The following HEXB variants were observed in gnomAD, a reference collection of about 807,000 sequenced individuals.
The protein encoded by HEXB is beta-hexosaminidase subunit beta.
Under a neutral mutation model 71.2 loss-of-function variants are expected in HEXB, and 51 were observed. The ratio of observed to expected loss-of-function variants is 0.72; its 90% CI spans 0.57 to 0.90. The LOEUF is 0.90. Among genes scored for constraint, HEXB ranks in the 40% least tolerant of loss-of-function variants. The probability of loss-of-function intolerance (pLI) is 0.00; values close to 1 mark genes in which losing one functional copy is unlikely to be tolerated. For missense variants in HEXB, 617 were observed against 677.0 expected (o/e 0.91, Z 0.98); for synonymous variants, 266 against 249.3 (o/e 1.07, Z -0.63).
rs1337869028 is a variant in HEXB at position 74,705,335 on chromosome 5, T to C, written c.771+15T>C. ...TAAGCAATAAAGTGAGTAAATTGTATTGTACTCTGTCTACAAAAACATTGG... is the reference window on the plus strand; with the variant it reads ...TAAGCAATAAAGTGAGTAAATTGTACTGTACTCTGTCTACAAAAACATTGG... On this transcript the variant is annotated intron_variant, in intron 6 of 13. Coordinates refer to ENST00000261416, the MANE Select transcript of HEXB (RefSeq NM_000521.4). The C allele has an allele frequency of 1.5e-6, 2 of 1,318,740 alleles. No homozygotes were observed. Among genetic ancestry groups the C allele is most frequent in the African/African-American group, 1.4e-5 (1 of 69,306 alleles). The allele number at this position is 1,318,740 out of a possible 1,614,324, so 81.7% of individuals were successfully genotyped here. A position where few individuals can be genotyped will look rare whatever the true frequency, so the allele number is the denominator to read the frequency against.
At chr5:74,681,733 A>G (rs1412559241), upstream of HEXB, among the ~76,000 whole-genome samples, 1 of 152,040 alleles carries the variant, frequency 6.6e-6, no homozygotes, top group African/African-American at 2.4e-5. Context: ...ACCCTCCATC[A>G]CCCTAATTCC....
At chr5:74,687,884 T>A (rs1178587487) in intron 1 of HEXB, among the ~76,000 whole-genome samples, 1 of 152,196 alleles carries the variant, frequency 6.6e-6, no homozygotes, top group African/African-American at 2.4e-5. Context: ...TTTTCCGACC[T>A]CTTCTGCAAA....
chr5:74,648,819 G>A (rs1250314584), intron 1 of HEXB, among the ~76,000 whole-genome samples: 2 of 152,158 alleles, frequency 1.3e-5, no homozygotes, highest in Admixed American at 1.3e-4. Flanking sequence ...ATGGACAAAA[G>A]TTTGTTTTGC....
chr5:74,659,695 C>T (rs542093384), intron 1 of HEXB, among the ~76,000 whole-genome samples: 1 of 152,252 alleles, frequency 6.6e-6, no homozygotes, highest in East Asian at 1.9e-4. Flanking sequence ...ATGGATTTTG[C>T]TAAATTCTTT....
At chr5:74,710,933 A>G (rs927898248) in intron 6 of HEXB, among the ~76,000 whole-genome samples, 1 of 151,956 alleles carries the variant, frequency 6.6e-6, no homozygotes, top group Non-Finnish European at 1.5e-5. Context: ...GGAAAAAACT[A>G]CTTGAAAGTT....
intron 11 of HEXB, chr5:74,720,032 C>T (rs116586002): frequency 1.6e-3 from 339 of 213,136 alleles, no homozygotes; most frequent in African/African-American, 7.5e-3. Context: ...GGTCACAGTC[C>T]ACTAAAAAAC....
rs145341040 is a variant in HEXB at position 74,652,372 on chromosome 5, C to T, written c.-377+11814C>T. 5.1e-4 allele frequency among the ~76,000 whole-genome samples: 77 copies of T among 152,292 alleles called. No homozygotes were observed. Among genetic ancestry groups the T allele is most frequent in the African/African-American group, 1.8e-3 (73 of 41,558 alleles). ...CTCCTAGTGTGTGGGCCTCCTGGCC[C>T]ACGTGTCCAGCAAGCAAGCCACTCC... On this transcript the variant is annotated intron_variant, in intron 1 of 13. Coordinates refer to the HEXB transcript ENST00000511181. This position sits in a 1 kb window ranked among gnomAD's most constrained non-coding sequence, Gnocchi z 5.4.
At chr5:74,707,599 C>T (rs1298946419) in intron 6 of HEXB, among the ~76,000 whole-genome samples, 1 of 152,118 alleles carries the variant, frequency 6.6e-6, no homozygotes, top group Non-Finnish European at 1.5e-5. Flanking sequence ...CTTAAAGGAG[C>T]TGATGGAGCT....
intron 1 of HEXB, among the ~76,000 whole-genome samples, chr5:74,642,658 T>C (rs1260161338): frequency 1.3e-5 from 2 of 151,644 alleles, no homozygotes; most frequent in African/African-American, 4.8e-5. Flanking sequence ...AGAAATGGAC[T>C]ATGTACATAG....
chr5:74,707,423 T>C (rs1328670661), intron 6 of HEXB, among the ~76,000 whole-genome samples: 1 of 152,056 alleles, frequency 6.6e-6, no homozygotes, highest in Non-Finnish European at 1.5e-5. Context: ...TCACCAGCAA[T>C]GGAACAAAGC....
At chr5:74,702,478 A>T (rs1012400804) in intron 5 of HEXB, among the ~76,000 whole-genome samples, 9 of 152,144 alleles carry the variant, frequency 5.9e-5, no homozygotes, top group African/African-American at 2.2e-4. Context: ...ATATTCAGTT[A>T]TGCATTTTTG....
chr5:74,661,638 C>T (rs1285310674), intron 1 of HEXB, among the ~76,000 whole-genome samples: 1 of 150,980 alleles, frequency 6.6e-6, no homozygotes, highest in Non-Finnish European at 1.5e-5. Context: ...CTCAAGGGAT[C>T]CTCCCACCTC....
In HEXB at chr5:74,642,660, T is replaced by C. The variant is rs150807572; in HGVS notation, c.-377+2102T>C. Among the ~76,000 whole-genome samples the C allele has an allele frequency of 2.3e-3, 344 of 150,972 alleles. 4 individuals carry two copies. The highest frequency in any genetic ancestry group is 7.2e-3 in the African/African-American group (296 of 41,190). ...GATGACCTTGCCTAGAAATGGACTA[T>C]GTACATAGCTCAGCTGGTTGGTTGG... is the stretch of plus-strand genomic sequence containing the variant. On this transcript the variant is annotated intron_variant, in intron 1 of 13. Coordinates refer to the HEXB transcript ENST00000511181.
chr5:74,679,197 A>T (rs902358343), intron 1 of HEXB, among the ~76,000 whole-genome samples: 1 of 152,350 alleles, frequency 6.6e-6, no homozygotes, highest in Admixed American at 6.5e-5. Context: ...GTGATTTTGG[A>T]ATCTGGCAGT....
chr5:74,707,755 A>G (rs1418090274), intron 6 of HEXB, among the ~76,000 whole-genome samples: 2 of 152,052 alleles, frequency 1.3e-5, no homozygotes, highest in African/African-American at 2.4e-5. Flanking sequence ...AATAAAAAGA[A>G]ATGAACAAAG....
intron 1 of HEXB, among the ~76,000 whole-genome samples, chr5:74,677,135 T>C (rs982677115): frequency 1.8e-4 from 28 of 152,250 alleles, no homozygotes; most frequent in Non-Finnish European, 1.2e-4. Context: ...TCTACCCGCC[T>C]CAGCCTCCCA....
intron 1 of HEXB, among the ~76,000 whole-genome samples, chr5:74,661,940 G>C (rs985634132): frequency 6.6e-6 from 1 of 152,142 alleles, no homozygotes; most frequent in African/African-American, 2.4e-5. Context: ...TTCACAAAAT[G>C]ACCTGTTTGT....
intron 1 of HEXB, among the ~76,000 whole-genome samples, chr5:74,677,358 T>C (rs1347797912): frequency 6.6e-6 from 1 of 152,192 alleles, no homozygotes; most frequent in Admixed American, 6.5e-5. Context: ...GTCAGACTGC[T>C]CTGAGATATT....
chr5:74,694,264 C>T (rs1428587946), intron 3 of HEXB, among the ~76,000 whole-genome samples: 1 of 152,192 alleles, frequency 6.6e-6, no homozygotes, highest in Admixed American at 6.5e-5. Context: ...TTCATTGATG[C>T]TCTTGGGACT....
Sources: gnomAD v4.1 joint callset for allele counts (sites outside exome capture counted in the v4.1 genomes callset) on GRCh38, gnomAD v4.1.1 for gene constraint, Gnocchi (gnomAD v3.1) non-coding constraint, MANE v1.5 for transcripts, NCBI Gene and HGNC (gene_info 2026-07-23, HGNC 2026-07-21) for gene names.